The following CNOT6 variants were observed in gnomAD, a reference collection of about 807,000 sequenced individuals.
The protein encoded by CNOT6 is carbon catabolite repression 4 protein.
CNOT6 carries 12 observed loss-of-function variants against 61.2 expected under a neutral mutation model. The ratio of observed to expected loss-of-function variants is 0.20; its 90% CI spans 0.13 to 0.32. The LOEUF (loss-of-function observed/expected upper bound fraction) is 0.32, where lower values mean the gene tolerates loss of function less well. Ranked by LOEUF, CNOT6 falls within the 10% of genes least tolerant of loss-of-function variation. The probability of loss-of-function intolerance (pLI) is 1.00; values close to 1 mark genes in which losing one functional copy is unlikely to be tolerated. For synonymous variants in CNOT6, 225 were observed against 240.6 expected, an observed-to-expected ratio of 0.94 and a Z score of 0.60; for missense variants, 405 against 663.9, an observed-to-expected ratio of 0.61 and a Z score of 4.28.
chr5:180,509,693 G>C (rs777770296), intron 1 of CNOT6, among the ~76,000 whole-genome samples: 3 of 151,386 alleles, frequency 2.0e-5, no homozygotes, highest in Non-Finnish European at 4.4e-5. Flanking sequence ...GGGATTACAG[G>C]CGTGAGCCAC....
At chr5:180,534,121 G>A (rs1758547487) in intron 2 of CNOT6, 1 of 153,050 alleles carries the variant, frequency 6.5e-6, no homozygotes. Flanking sequence ...TGTTGGGACA[G>A]GGAAGAGTTA....
intron 2 of CNOT6, among the ~76,000 whole-genome samples, chr5:180,532,260 T>G (rs1193167595): frequency 6.6e-6 from 1 of 152,216 alleles, no homozygotes; most frequent in East Asian, 1.9e-4. Flanking sequence ...CAGCCCTTAT[T>G]AGCAGTTTTT....
rs149701642 is a variant in CNOT6 at position 180,510,749 on chromosome 5, G to C, written c.-3+15986G>C. ...TTTAGATTGTATTCAAAGAGGGACTGATTTTTGGGTGAGTGTCTTTTGGGG... is the reference window on the plus strand; with the variant it reads ...TTTAGATTGTATTCAAAGAGGGACTCATTTTTGGGTGAGTGTCTTTTGGGG... On this transcript the variant is annotated intron_variant, in intron 1 of 11. Transcript: ENST00000261951. Among the ~76,000 whole-genome samples, 286 of 152,176 alleles carry C rather than the reference G, an allele frequency of 1.9e-3. 1 individual carries two copies. Among genetic ancestry groups the C allele is most frequent in the African/African-American group, 6.7e-3 (278 of 41,556 alleles).
chr5:180,538,993 G>A (rs1269244349), intron 2 of CNOT6, among the ~76,000 whole-genome samples: 1 of 146,384 alleles, frequency 6.8e-6, no homozygotes, highest in Non-Finnish European at 1.5e-5. Flanking sequence ...GGCCAACATG[G>A]TGAAACCCCA....
At chr5:180,542,665 A>G (rs1354888476) in intron 2 of CNOT6, among the ~76,000 whole-genome samples, 1 of 152,226 alleles carries the variant, frequency 6.6e-6, no homozygotes, top group East Asian at 1.9e-4. Context: ...CTAATCACCC[A>G]CGTGATTTCA....
chr5:180,548,426 G>A (rs1034467452), intron 2 of CNOT6, among the ~76,000 whole-genome samples: 14 of 152,112 alleles, frequency 9.2e-5, no homozygotes, highest in African/African-American at 2.7e-4. Context: ...GGAGTGGGGG[G>A]CCCCATCAGA....
intron 1 of CNOT6, among the ~76,000 whole-genome samples, chr5:180,499,109 G>C (rs777045352): frequency 3.1e-4 from 47 of 152,132 alleles, no homozygotes; most frequent in Admixed American, 1.0e-3. Flanking sequence ...TTTTTAACTT[G>C]GATATGGTGT....
chr5:180,541,534 C>G (rs944352852), intron 2 of CNOT6, among the ~76,000 whole-genome samples: 2 of 141,152 alleles, frequency 1.4e-5, no homozygotes, highest in African/African-American at 5.3e-5. Context: ...TCACTGCAAG[C>G]TCCGCCTCCC....
chr5:180,553,311 A>G, intron 3 of CNOT6, 75 bp from the exon 4 acceptor site: 1 of 1,000,110 alleles, frequency 1.0e-6, no homozygotes, highest in South Asian at 1.4e-5. Context: ...TTATGTTCCT[A>G]GAAACTATGT....
At position 180,575,068 on chromosome 5, in the gene CNOT6, TA is replaced by T. The variant is rs746234449; in HGVS notation, c.*873del. 1 of 152,656 alleles carries T rather than the reference TA, an allele frequency of 6.6e-6. No homozygotes were observed. Among genetic ancestry groups the T allele is most frequent in the African/African-American group, 2.4e-5 (1 of 41,458 alleles). The allele number at this position is 152,656 out of a possible 1,614,324, so 9.5% of individuals were successfully genotyped here. On this transcript the variant is annotated 3_prime_UTR_variant, in exon 12 of 12. Coordinates refer to ENST00000261951, the MANE Select transcript of CNOT6 (RefSeq NM_001370472.1). ...TTTTAAATCTTTAACTTTTTAAAGT[TA>T]AAAACCTACAGCTGCTTAGGTCCAG...
intron 1 of CNOT6, among the ~76,000 whole-genome samples, chr5:180,505,791 G>A (rs1362144073): frequency 1.3e-5 from 2 of 150,976 alleles, no homozygotes; most frequent in Admixed American, 6.6e-5. Flanking sequence ...CTTGTGATCC[G>A]CCTGCCTTGG....
chr5:180,544,316 C>T (rs1437228906), intron 2 of CNOT6, among the ~76,000 whole-genome samples: 1 of 152,204 alleles, frequency 6.6e-6, no homozygotes, highest in African/African-American at 2.4e-5. Flanking sequence ...TTGGTGTCTT[C>T]ACCATATAGA....
intron 1 of CNOT6, among the ~76,000 whole-genome samples, chr5:180,523,395 AT>A (rs1200630510): frequency 6.6e-6 from 1 of 151,962 alleles, no homozygotes; most frequent in Non-Finnish European, 1.5e-5. Flanking sequence ...GGTTTTTACT[AT>A]TTTGTAACTA....
chr5:180,541,314 T>C (rs1353957000), intron 2 of CNOT6, among the ~76,000 whole-genome samples: 1 of 151,882 alleles, frequency 6.6e-6, no homozygotes, highest in East Asian at 1.9e-4. Context: ...AATTTTTTTA[T>C]TTTTAGTAGA....
In CNOT6 at chr5:180,501,748, G is replaced by C. The variant is rs892191700; in HGVS notation, c.-3+6985G>C. Among the ~76,000 whole-genome samples, 10 of 152,288 alleles carry C rather than the reference G, an allele frequency of 6.6e-5. No homozygotes were observed. The East Asian group carries it at 1.9e-3, about 29-fold the overall frequency. On this transcript the variant is annotated intron_variant, in intron 1 of 11. Coordinates refer to ENST00000261951, the MANE Select transcript of CNOT6 (RefSeq NM_001370472.1). ...AAGGAACAGCTAATATTTTGTTTTG[G>C]ACAGCATTGAAATGGTTGAAGAGAC...
At chr5:180,558,732 A>T (rs1255747280) in intron 4 of CNOT6, among the ~76,000 whole-genome samples, 1 of 151,300 alleles carries the variant, frequency 6.6e-6, no homozygotes, top group Non-Finnish European at 1.5e-5. Context: ...TTTCCTCCCA[A>T]CCCTGCTTTA....
chr5:180,542,509 C>T (rs1479174978), intron 2 of CNOT6, among the ~76,000 whole-genome samples: 1 of 152,212 alleles, frequency 6.6e-6, no homozygotes, highest in South Asian at 2.1e-4. Context: ...AAATGATCCA[C>T]CCACCTTGGC....
intron 1 of CNOT6, among the ~76,000 whole-genome samples, chr5:180,496,612 G>A (rs1308238825): frequency 6.6e-6 from 1 of 151,806 alleles, no homozygotes; most frequent in African/African-American, 2.4e-5. Flanking sequence ...TGAGGAAGGA[G>A]GATGGCTTGA....
At chr5:180,556,020 G>C (rs1444863936) in intron 4 of CNOT6, among the ~76,000 whole-genome samples, 1 of 152,104 alleles carries the variant, frequency 6.6e-6, no homozygotes, top group Non-Finnish European at 1.5e-5. Context: ...GATACTTGTA[G>C]ATTCACATGC....
Sources: gnomAD v4.1 joint callset for allele counts (sites outside exome capture counted in the v4.1 genomes callset) on GRCh38, gnomAD v4.1.1 for gene constraint, MANE v1.5 for transcripts, NCBI Gene and HGNC (gene_info 2026-07-23, HGNC 2026-07-21) for gene names.